Variants in TTC21B observed in about 807,000 individuals in gnomAD.
The protein encoded by TTC21B is tetratricopeptide repeat protein 21B.
In TTC21B, 127 loss-of-function variants were observed where a neutral mutation model predicts 175.1. That is an observed-to-expected ratio of 0.73 (90% CI 0.63 to 0.84). TTC21B has a LOEUF of 0.84. Ranked by LOEUF, TTC21B falls within the 40% of genes least tolerant of loss-of-function variation. The pLI is 0.00. For missense variants in TTC21B, 1,561 were observed against 1,558.3 expected (o/e 1.00, Z -0.03); for synonymous variants, 524 against 524.5 (o/e 1.00, Z 0.01).
At chr2:165,918,340 G>C (rs763121426) in intron 13 of TTC21B, among the ~76,000 whole-genome samples, 4 of 152,130 alleles carry the variant, frequency 2.6e-5, no homozygotes, top group Non-Finnish European at 5.9e-5. Flanking sequence ...TGTTGCCCAG[G>C]CTGGAGTGCA....
intron 18 of TTC21B, among the ~76,000 whole-genome samples, chr2:165,910,259 C>T (rs1685884423): frequency 1.3e-5 from 2 of 151,904 alleles, no homozygotes; most frequent in South Asian, 2.1e-4. Flanking sequence ...AAAAATTAGC[C>T]GGGCGTGGTG....
At chr2:165,897,824 C>A (rs1351248039) in intron 22 of TTC21B, among the ~76,000 whole-genome samples, 1 of 152,130 alleles carries the variant, frequency 6.6e-6, no homozygotes, top group Non-Finnish European at 1.5e-5. Context: ...AAAAGAAGAA[C>A]TGAGTGAGTT....
chr2:165,897,590 CAA>C (rs1486722922), intron 22 of TTC21B, among the ~76,000 whole-genome samples: 1 of 151,946 alleles, frequency 6.6e-6, no homozygotes, highest in African/African-American at 2.4e-5. Context: ...AGTGGGAATG[CAA>C]AGAGGCAGAG....
At chr2:165,950,515 C>G (rs1242613762) in intron 1 of TTC21B, among the ~76,000 whole-genome samples, 1 of 152,190 alleles carries the variant, frequency 6.6e-6, no homozygotes, top group Non-Finnish European at 1.5e-5. Context: ...TGGGCCACCC[C>G]ATACCTACCT....
At chr2:165,897,335 T>C (rs1685404580) in intron 22 of TTC21B, among the ~76,000 whole-genome samples, 1 of 152,032 alleles carries the variant, frequency 6.6e-6, no homozygotes, top group Non-Finnish European at 1.5e-5. Flanking sequence ...ACAGAGGTGG[T>C]AAAAAGTGAT....
At chr2:165,894,851 T>C (rs1196808031) in intron 22 of TTC21B, among the ~76,000 whole-genome samples, 1 of 152,152 alleles carries the variant, frequency 6.6e-6, no homozygotes, top group Non-Finnish European at 1.5e-5. Context: ...AACACAAATA[T>C]GCACATAAAT....
intron 21 of TTC21B, 36 bp downstream of exon 21, chr2:165,899,734 A>C (rs2105303000): frequency 7.4e-7 from 1 of 1,359,490 alleles, no homozygotes; most frequent in East Asian, 2.3e-5. Context: ...TATAAAACAC[A>C]AGTGCTTTTA....
chr2:165,929,305 T>G lies in TTC21B; in HGVS notation c.1216A>C (p.Met406Leu). The G allele has an allele frequency of 6.2e-7, 1 of 1,610,826 alleles. No individual in the cohort carries two copies. The highest frequency in any genetic ancestry group is 8.5e-7 in the Non-Finnish European group (1 of 1,177,694). The change falls in exon 11 of 29, where the codon ATG becomes CTG. Residue 406 changes from methionine to leucine, a missense_variant. Physicochemically the swap from Met to Leu is conservative, Grantham distance 15. Transcript: ENST00000243344. Reference sequence around the variant, plus strand: ...TCTTCTTGTCGTTTATTTTTCTTCATGGCAAGAACTGCATGTAAATAGATT... The same window carrying G: ...TCTTCTTGTCGTTTATTTTTCTTCAGGGCAAGAACTGCATGTAAATAGATT... ...ELIYLHAVLA[M>L]KKNKRQEEVI...
chr2:165,897,691 TA>T (rs1396336272), intron 22 of TTC21B, among the ~76,000 whole-genome samples: 10 of 152,044 alleles, frequency 6.6e-5, no homozygotes, highest in Non-Finnish European at 1.5e-4. Context: ...CAAAGTCACC[TA>T]GGGGGTGAAT....
chr2:165,929,389 T>C, intron 10 of TTC21B, 54 bp from the exon 11 acceptor site: 2 of 1,431,004 alleles, frequency 1.4e-6, no homozygotes, highest in Non-Finnish European at 1.9e-6. Context: ...AAGCCATTTA[T>C]TTCCACTTAG....
rs1271448820 is a variant in TTC21B at position 165,949,650 on chromosome 2, C to T, written c.96G>A (p.Arg32=). ...VLLVASEGIK[R]YGSDPVFRFY... ...ACCTGAAGACTGGATCACTTCCATA[C>T]CTCTTAATTCCTTCACTGGCAACCA... Residue 32 remains arginine (R), a synonymous_variant, in exon 2 of 29, where the codon AGG becomes AGA. Transcript: ENST00000243344. 2 of 1,613,500 alleles carry T rather than the reference C, an allele frequency of 1.2e-6. No individual in the cohort carries two copies.
chr2:165,924,612 C>A lies in TTC21B; in HGVS notation c.1453G>T (p.Val485Leu). The A allele has an allele frequency of 6.2e-7, 1 of 1,613,762 alleles. No individual in the cohort carries two copies. The highest frequency in any genetic ancestry group is 8.5e-7 in the Non-Finnish European group (1 of 1,179,806). Reference sequence around the variant, plus strand: ...TGCAGAAGACCTGGAACAGTTCTTACTACAGTCTCCAGGACTGAGATGCAA... The same window carrying A: ...TGCAGAAGACCTGGAACAGTTCTTAATACAGTCTCCAGGACTGAGATGCAA... ...RRCISVLETV[V>L]RTVPGLLQTV... The change falls in exon 12 of 29, where the codon GTA becomes TTA. Residue 485 changes from valine (V) to leucine (L), a missense_variant. By Grantham distance (32) the Val-to-Leu change is conservative. Transcript: ENST00000243344.
rs1432911132 is a variant in TTC21B, at chr2:165,949,709, A to G, written c.37T>C (p.Tyr13His). 6.2e-7 allele frequency: 1 copy of G among 1,611,646 alleles called. No individual in the cohort carries two copies. The highest frequency in any genetic ancestry group is 2.2e-5 in the East Asian group (1 of 44,792). ...TGATGGAAATATCTCTCTTGACAAT[A>G]GTAATTAATCAAAGTCTAAATGGAA... is the stretch of plus-strand genomic sequence containing the variant. ...SQELKTLINY[Y>H]CQERYFHHVL... Residue 13 changes from tyrosine (Y) to histidine (H), a missense_variant, in exon 2 of 29, where the codon TAT becomes CAT. Physicochemically the swap from Tyr to His is moderately conservative, Grantham distance 83 (BLOSUM62 2). Coordinates refer to ENST00000243344, the MANE Select transcript of TTC21B (RefSeq NM_024753.5).
rs570008220 is a variant in TTC21B at position 165,945,417 on chromosome 2, G to A, written c.429+107C>T. 1.9e-4 allele frequency: 192 copies of A among 1,028,836 alleles called. 3 individuals are homozygous for A. The South Asian group carries it at 1.9e-3, about 10-fold the overall frequency. 63.7% of individuals were successfully genotyped at this position (1,028,836 alleles called of 1,614,324 possible). ...AAATAAAGCTGTTATTTACAAACTG[G>A]CAATAGAGTGAACAATAATAAAGAG... On this transcript the variant is annotated intron_variant, in intron 4 of 28. Coordinates refer to ENST00000243344, the MANE Select transcript of TTC21B (RefSeq NM_024753.5).
At chr2:165,951,180 A>G (rs1687751682) in intron 1 of TTC21B, among the ~76,000 whole-genome samples, 1 of 152,202 alleles carries the variant, frequency 6.6e-6, no homozygotes, top group African/African-American at 2.4e-5. Flanking sequence ...AACTAAGGAC[A>G]CGTTTAATAC....
chr2:165,885,975 AG>A (rs1446564768), intron 25 of TTC21B, among the ~76,000 whole-genome samples: 1 of 152,224 alleles, frequency 6.6e-6, no homozygotes, highest in East Asian at 1.9e-4. Flanking sequence ...ATGCAATGAA[AG>A]CAAGTGGAAA....
chr2:165,944,593 T>G lies in TTC21B; in HGVS notation c.429+931A>C, dbSNP rs184610033. Among the ~76,000 whole-genome samples, 174 of 152,282 alleles carry G rather than the reference T, an allele frequency of 1.1e-3. 1 individual carries two copies. The highest frequency in any genetic ancestry group is 3.9e-3 in the African/African-American group (164 of 41,582). On this transcript the variant is annotated intron_variant, in intron 4 of 28. Coordinates refer to ENST00000243344, the MANE Select transcript of TTC21B (RefSeq NM_024753.5). ...AGAAACCATTGTCTAATTAATCTTC[T>G]GGATTTGCACTCTAATAAAATCACT...
chr2:165,914,584 C>T (rs750905503), intron 15 of TTC21B, among the ~76,000 whole-genome samples: 21 of 149,930 alleles, frequency 1.4e-4, no homozygotes, highest in Non-Finnish European at 2.2e-4. Flanking sequence ...GAGCTAAAAA[C>T]GTTAATTTTC....
At chr2:165,890,338 G>A in intron 24 of TTC21B, 141 bp downstream of exon 24, 1 of 725,266 alleles carries the variant, frequency 1.4e-6, no homozygotes, top group Non-Finnish European at 2.3e-6. Flanking sequence ...TCTGAAACAG[G>A]CAATGAAATG....
Sources: gnomAD v4.1 joint callset for allele counts (sites outside exome capture counted in the v4.1 genomes callset) on GRCh38, gnomAD v4.1.1 for gene constraint, MANE v1.5 for transcripts, NCBI Gene and HGNC (gene_info 2026-07-23, HGNC 2026-07-21) for gene names.